Variants in COL24A1 observed in about 807,000 individuals in gnomAD.
COL24A1 encodes the protein collagen alpha-1(XXIV) chain.
A neutral mutation model predicts 253.9 loss-of-function variants in COL24A1; 224 were observed. That is an observed-to-expected ratio of 0.88 (90% confidence interval 0.79 to 0.99). COL24A1 has a LOEUF of 0.99. COL24A1 is among the 50% of genes least tolerant of loss of function. The pLI, the probability that COL24A1 is intolerant of heterozygous loss-of-function variation, is 0.00. For missense variants in COL24A1, 2,131 were observed against 2,068.5 expected (o/e 1.03, Z -0.59); for synonymous variants, 685 against 673.7 (o/e 1.02, Z -0.26).
intron 3 of COL24A1, among the ~76,000 whole-genome samples, chr1:86,120,040 G>A (rs1706575291): frequency 6.6e-6 from 1 of 152,138 alleles, no homozygotes; most frequent in Admixed American, 6.6e-5. Context: ...AAGAAATGGA[G>A]AAAGGATTCC....
intron 55 of COL24A1, 93 bp from the exon 56 acceptor site, chr1:85,745,599 A>T: frequency 1.1e-6 from 1 of 870,702 alleles, no homozygotes; most frequent in Non-Finnish European, 1.8e-6. Context: ...CTGCTGTTAA[A>T]GTATACCAGA....
chr1:85,885,000 G>T (rs551136478), intron 32 of COL24A1, among the ~76,000 whole-genome samples: 427 of 152,180 alleles, frequency 2.8e-3, no homozygotes, highest in Non-Finnish European at 5.4e-3. Flanking sequence ...ATAGTTTAAA[G>T]TGTCCCTACT....
rs117484887 is a variant in COL24A1, at chr1:86,085,045, C to T, written c.1707+4129G>A. On this transcript the variant is annotated intron_variant, in intron 7 of 59. Coordinates refer to ENST00000370571, the MANE Select transcript of COL24A1 (RefSeq NM_152890.7). ...CTGGCTATAGAACAGTAGAATTCTC[C>T]ATTATCTTTCTTCAGGCACTGATTT... Among the ~76,000 whole-genome samples, 375 of 152,284 alleles carry T rather than the reference C, an allele frequency of 2.5e-3. 10 individuals carry two copies. In the East Asian group the frequency reaches 0.046, roughly 19 times the overall value.
intron 45 of COL24A1, among the ~76,000 whole-genome samples, chr1:85,821,552 C>G (rs1306435375): frequency 6.6e-6 from 1 of 152,182 alleles, no homozygotes. Context: ...CAGGACCCAT[C>G]TGGCCACTGA....
chr1:85,771,209 C>A (rs1204272926), intron 53 of COL24A1, among the ~76,000 whole-genome samples: 7 of 152,018 alleles, frequency 4.6e-5, no homozygotes, highest in African/African-American at 1.7e-4. Flanking sequence ...CCTATCAACC[C>A]ATCACCTACA....
At chr1:85,892,279 G>A (rs980972876) in intron 31 of COL24A1, among the ~76,000 whole-genome samples, 9 of 151,510 alleles carry the variant, frequency 5.9e-5, no homozygotes, top group South Asian at 2.1e-4. Flanking sequence ...AAATACCAGC[G>A]GCCAAAAGAA....
At chr1:86,048,675 A>G (rs1043405284) in intron 11 of COL24A1, among the ~76,000 whole-genome samples, 2 of 152,040 alleles carry the variant, frequency 1.3e-5, no homozygotes, top group African/African-American at 4.8e-5. Flanking sequence ...TATTTTTAGT[A>G]GAGATGGGGT....
At position 85,816,955 on chromosome 1, in the gene COL24A1, T is replaced by C. The variant is rs922350136; in HGVS notation, c.3844-60A>G. On this transcript the variant is annotated intron_variant, in intron 46 of 59. Coordinates refer to ENST00000370571, the MANE Select transcript of COL24A1 (RefSeq NM_152890.7). ...GCTGAAAAGATGTTAAGATGACAAA[T>C]ACTTTTTTATTTATTGAGCTGGAGA... The C allele has an allele frequency of 3.2e-6, 4 of 1,231,728 alleles. No individual in the cohort carries two copies. The African/African-American group carries it at 6.0e-5, about 19-fold the overall frequency. The allele number at this position is 1,231,728 out of a possible 1,614,324, so 76.3% of individuals were successfully genotyped here.
intron 20 of COL24A1, among the ~76,000 whole-genome samples, chr1:85,975,561 A>T (rs1692589882): frequency 6.6e-6 from 1 of 152,204 alleles, no homozygotes; most frequent in African/African-American, 2.4e-5. Context: ...AGCTAAAAAA[A>T]AATTGATCTC....
chr1:85,864,356 C>T (rs952583307), intron 37 of COL24A1, among the ~76,000 whole-genome samples: 4 of 143,492 alleles, frequency 2.8e-5, no homozygotes, highest in African/African-American at 1.1e-4. Flanking sequence ...ACAATGAGAA[C>T]ACTTGGACAC....
chr1:85,841,628 C>G (rs1253778057), intron 41 of COL24A1, among the ~76,000 whole-genome samples: 3 of 152,010 alleles, frequency 2.0e-5, no homozygotes, highest in Non-Finnish European at 4.4e-5. Flanking sequence ...TGCGGTGGTA[C>G]TCATCTGTCA....
At chr1:85,757,385 A>G (rs76862090) in intron 55 of COL24A1, among the ~76,000 whole-genome samples, 6,360 of 152,206 alleles carry the variant, frequency 0.042, 483 homozygotes, top group African/African-American at 0.14. Flanking sequence ...GATGCTCACC[A>G]ACAAAGGGCA....
chr1:86,107,288 T>C (rs1419072497), intron 5 of COL24A1, among the ~76,000 whole-genome samples: 1 of 152,148 alleles, frequency 6.6e-6, no homozygotes, highest in Non-Finnish European at 1.5e-5. Context: ...CAGAAGGTAA[T>C]AAAGCCTGCT....
chr1:85,914,945 C>T (rs1424173713), intron 24 of COL24A1, among the ~76,000 whole-genome samples: 1 of 152,088 alleles, frequency 6.6e-6, no homozygotes. Flanking sequence ...TAAAGAGATG[C>T]ATTTGGGGGC....
At chr1:85,731,787 G>T (rs1557911738) in intron 59 of COL24A1, among the ~76,000 whole-genome samples, 1 of 152,156 alleles carries the variant, frequency 6.6e-6, no homozygotes, top group Non-Finnish European at 1.5e-5. Flanking sequence ...TAGATAGTTA[G>T]TAAATTCCAC....
Position 86,156,484 on chromosome 1 carries a change from A to G in COL24A1, c.-88T>C. 6 of 1,207,098 alleles carry G rather than the reference A, an allele frequency of 5.0e-6. No homozygotes were observed. Among genetic ancestry groups the G allele is most frequent in the Non-Finnish European group, 6.8e-6 (6 of 881,320 alleles). 74.8% of individuals were successfully genotyped at this position (1,207,098 alleles called of 1,614,324 possible). A position where few individuals can be genotyped will look rare whatever the true frequency, so the allele number is the denominator to read the frequency against. On this transcript the variant is annotated 5_prime_UTR_variant, in exon 1 of 60. Transcript: ENST00000370571. Reference sequence around the variant, plus strand: ...TAGGGTGCAGGTACTGTCCATGAAAAAGGGAAAAAACAATCACATGAAAAC... The same window carrying G: ...TAGGGTGCAGGTACTGTCCATGAAAGAGGGAAAAAACAATCACATGAAAAC...
In COL24A1 at chr1:85,991,126, T is replaced by C. The variant is rs547934502; in HGVS notation, c.2311-3472A>G. 4.3e-4 allele frequency among the ~76,000 whole-genome samples: 65 copies of C among 152,308 alleles called. No homozygotes were observed. In the Middle Eastern group the frequency reaches 0.014, roughly 32 times the overall value. ...TAAAAGAACAGAATACCACTGATTG[T>C]CTTGCCAAAAACAAACCTGAATATG... is the stretch of plus-strand genomic sequence containing the variant. On this transcript the variant is annotated intron_variant, in intron 19 of 59. Transcript: ENST00000370571.
At chr1:85,956,205 A>G (rs1346159802) in intron 24 of COL24A1, among the ~76,000 whole-genome samples, 4 of 152,236 alleles carry the variant, frequency 2.6e-5, no homozygotes, top group Non-Finnish European at 5.9e-5. Context: ...AACTTATTTC[A>G]TAAGAGTTGT....
intron 33 of COL24A1, 110 bp from the exon 34 acceptor site, chr1:85,875,440 C>G: frequency 1.3e-6 from 1 of 774,414 alleles, no homozygotes; most frequent in South Asian, 1.6e-5. Context: ...GGCATAATTG[C>G]TGTCCCTTTA....
Sources: gnomAD v4.1 joint callset for allele counts (sites outside exome capture counted in the v4.1 genomes callset) on GRCh38, gnomAD v4.1.1 for gene constraint, MANE v1.5 for transcripts, NCBI Gene and HGNC (gene_info 2026-07-23, HGNC 2026-07-21) for gene names.